Variants in VAV3 observed in about 807,000 individuals in gnomAD.
VAV3 encodes vav guanine nucleotide exchange factor 3.
A neutral mutation model predicts 131.2 loss-of-function variants in VAV3; 94 were observed. That is an observed-to-expected ratio of 0.72 (90% confidence interval 0.61 to 0.85). The LOEUF (loss-of-function observed/expected upper bound fraction) is 0.85, where lower values mean the gene tolerates loss of function less well. Among genes scored for constraint, VAV3 ranks in the 40% least tolerant of loss-of-function variants. The pLI is 0.00. For synonymous variants in VAV3, 349 were observed against 342.0 expected (o/e 1.02, Z -0.22); for missense variants, 939 against 1,002.7 (o/e 0.94, Z 0.86).
chr1:107,866,757 A>G (rs927967227), intron 2 of VAV3, among the ~76,000 whole-genome samples: 1 of 131,578 alleles, frequency 7.6e-6, no homozygotes, highest in Admixed American at 9.2e-5. Context: ...TGGAAGGTGG[A>G]GGCTGCATTG....
intron 2 of VAV3, chr1:107,820,798 G>C (rs1667764168): frequency 6.6e-6 from 1 of 151,978 alleles, no homozygotes; most frequent in Non-Finnish European, 1.5e-5. Flanking sequence ...TCATTTCTCT[G>C]ATCACCCATT....
At chr1:107,858,122 A>T (rs1474195687) in intron 2 of VAV3, among the ~76,000 whole-genome samples, 1 of 152,198 alleles carries the variant, frequency 6.6e-6, no homozygotes, top group Non-Finnish European at 1.5e-5. Flanking sequence ...CTCTTAAGTG[A>T]GTTAACCACT....
chr1:107,916,834 A>G (rs1260023303), intron 1 of VAV3, among the ~76,000 whole-genome samples: 2 of 152,170 alleles, frequency 1.3e-5, no homozygotes, highest in African/African-American at 4.8e-5. Flanking sequence ...ATGTCACAAG[A>G]AGGATTCAGG....
chr1:107,609,903 T>C (rs1206252421), intron 22 of VAV3, 28 bp downstream of exon 22: 13 of 1,609,892 alleles, frequency 8.1e-6, no homozygotes, highest in Non-Finnish European at 1.1e-5. Flanking sequence ...TATTTCAACC[T>C]AGCTACATAA....
chr1:107,701,244 T>C (rs1342126908), intron 17 of VAV3, among the ~76,000 whole-genome samples: 3 of 152,188 alleles, frequency 2.0e-5, no homozygotes, highest in Non-Finnish European at 2.9e-5. Context: ...CTCTTGACTT[T>C]TGTGCATCCA....
At chr1:107,801,970 A>C (rs1012933892) in intron 2 of VAV3, among the ~76,000 whole-genome samples, 5 of 152,006 alleles carry the variant, frequency 3.3e-5, no homozygotes, top group African/African-American at 1.2e-4. Flanking sequence ...TTATACTTTA[A>C]GTTCTGGGGT....
intron 20 of VAV3, among the ~76,000 whole-genome samples, chr1:107,632,260 C>T (rs911081543): frequency 9.9e-5 from 15 of 152,114 alleles, no homozygotes; most frequent in Non-Finnish European, 1.9e-4. Context: ...TCTACTTATG[C>T]CTGGGCTCAA....
chr1:107,573,043 T>G lies in VAV3; in HGVS notation c.*288A>C. 2.5e-6 allele frequency: 1 copy of G among 401,208 alleles called. No homozygotes were observed. The highest frequency in any genetic ancestry group is 8.4e-5 in the South Asian group (1 of 11,856). 24.9% of individuals were successfully genotyped at this position (401,208 alleles called of 1,614,324 possible). On this transcript the variant is annotated 3_prime_UTR_variant, in exon 27 of 27. Coordinates refer to ENST00000370056, the MANE Select transcript of VAV3 (RefSeq NM_006113.5). ...AAGTAAAGGGAAGCACGAACCAATG[T>G]GTTTGCAGGGCTCTTCTGGGAAGAA...
intron 8 of VAV3, among the ~76,000 whole-genome samples, chr1:107,765,460 G>C (rs1570920125): frequency 6.6e-6 from 1 of 152,130 alleles, no homozygotes; most frequent in Admixed American, 6.5e-5. Flanking sequence ...AATGTTATTT[G>C]AGTAGACATA....
At chr1:107,766,645 C>G (rs1302067305) in intron 7 of VAV3, 95 bp from the exon 8 acceptor site, 4 of 857,044 alleles carry the variant, frequency 4.7e-6, no homozygotes, top group Non-Finnish European at 7.6e-6. Flanking sequence ...ACTTGCCACT[C>G]AGGATATGCT....
intron 2 of VAV3, among the ~76,000 whole-genome samples, chr1:107,782,317 A>C (rs1411462560): frequency 6.6e-6 from 1 of 152,160 alleles, no homozygotes; most frequent in East Asian, 1.9e-4. Flanking sequence ...ACCAAAAACC[A>C]GAAAAATGAC....
At chr1:107,753,513 C>CACACATATATATACACAT (rs760604932) in intron 12 of VAV3, among the ~76,000 whole-genome samples, 5 of 80,646 alleles carry the variant, frequency 6.2e-5, no homozygotes, top group Admixed American at 1.2e-4. Flanking sequence ...TATATACACA[C>CACACATATATATACACAT]ATATATATAT....
chr1:107,798,355 C>T (rs1666652115), intron 2 of VAV3, among the ~76,000 whole-genome samples: 1 of 151,824 alleles, frequency 6.6e-6, no homozygotes, highest in African/African-American at 2.4e-5. Context: ...GGCTCCTGCT[C>T]CCACACACCC....
chr1:107,704,465 A>G, intron 17 of VAV3, 85 bp downstream of exon 17: 1 of 992,022 alleles, frequency 1.0e-6, no homozygotes, highest in South Asian at 1.4e-5. Context: ...ATAAACACAT[A>G]TTCAGAGTAA....
At chr1:107,690,318 G>C (rs1659337109) in intron 17 of VAV3, among the ~76,000 whole-genome samples, 1 of 152,110 alleles carries the variant, frequency 6.6e-6, no homozygotes, top group African/African-American at 2.4e-5. Flanking sequence ...CCCAGGAAGA[G>C]GAAACAATGG....
intron 19 of VAV3, among the ~76,000 whole-genome samples, chr1:107,648,362 T>C: frequency 6.6e-6 from 1 of 152,022 alleles, no homozygotes; most frequent in Non-Finnish European, 1.5e-5. Context: ...TTCACCTTTA[T>C]TAAAAAGGTG....
At chr1:107,869,142 A>T (rs1271734840) in intron 2 of VAV3, among the ~76,000 whole-genome samples, 2 of 152,166 alleles carry the variant, frequency 1.3e-5, no homozygotes, top group Non-Finnish European at 2.9e-5. Flanking sequence ...CCCATTCCTG[A>T]ACCATCACTA....
chr1:107,582,502 G>A (rs972778647), intron 25 of VAV3, among the ~76,000 whole-genome samples: 5 of 151,670 alleles, frequency 3.3e-5, no homozygotes, highest in South Asian at 4.2e-4. Context: ...ACGCTGGTGC[G>A]CTGCACCCAC....
intron 15 of VAV3, among the ~76,000 whole-genome samples, chr1:107,705,862 T>C (rs553660487): frequency 3.7e-4 from 56 of 152,288 alleles, no homozygotes; most frequent in Middle Eastern, 3.4e-3. Flanking sequence ...AACAGCATGA[T>C]TGGGAACTCT....
Sources: gnomAD v4.1 joint callset for allele counts (sites outside exome capture counted in the v4.1 genomes callset) on GRCh38, gnomAD v4.1.1 for gene constraint, MANE v1.5 for transcripts, NCBI Gene and HGNC (gene_info 2026-07-23, HGNC 2026-07-21) for gene names.